PCDHA1: variants seen among roughly 807,000 people sequenced by gnomAD.
The protein encoded by PCDHA1 is protocadherin alpha 1.
Under a neutral mutation model 61.3 loss-of-function variants are expected in PCDHA1, and 42 were observed. The observed-to-expected ratio is 0.69, with a 90% CI of 0.54 to 0.89. PCDHA1 has a LOEUF of 0.89. Among genes scored for constraint, PCDHA1 ranks in the 40% least tolerant of loss-of-function variants. PCDHA1 has a pLI of 0.00. For synonymous variants in PCDHA1, 610 were observed against 553.8 expected, an observed-to-expected ratio of 1.10 and a Z score of -1.43; for missense variants, 1,256 against 1,235.3, an observed-to-expected ratio of 1.02 and a Z score of -0.25.
rs1554119641 is a variant in PCDHA1 at position 140,795,989 on chromosome 5, A to T, written c.2394+7305A>T. The T allele has an allele frequency of 1.9e-6, 3 of 1,614,148 alleles. No homozygotes were observed. In the Admixed American group the frequency reaches 5.0e-5, roughly 27 times the overall value. On this transcript the variant is annotated intron_variant, in intron 1 of 3. Transcript: ENST00000504120. ...TGTAAAATTTCATTAAAACTTGTGG[A>T]CATCAATGATAACACACCAGAAGTC...
chr5:140,823,509 G>A (rs1350643450), intron 1 of PCDHA1: 1 of 1,613,414 alleles, frequency 6.2e-7, no homozygotes, highest in Non-Finnish European at 8.5e-7. Flanking sequence ...CAGTGAGCGA[G>A]CTGGTGCCGA....
At chr5:140,828,653 G>C in intron 1 of PCDHA1, 1 of 1,614,156 alleles carries the variant, frequency 6.2e-7, no homozygotes, top group Non-Finnish European at 8.5e-7. Context: ...AAACAGTGAT[G>C]ACAATAAACA....
chr5:140,836,101 C>G lies in PCDHA1; in HGVS notation c.2394+47417C>G, dbSNP rs1554135618. On this transcript the variant is annotated intron_variant, in intron 1 of 3. Transcript: ENST00000504120. ...CTGCTGGCGCCTCGGGTGGGTGGCA[C>G]TGGTGGCGCAGTGAGAGAGCTTGTG... 8 of 1,613,594 alleles carry G rather than the reference C, an allele frequency of 5.0e-6. No individual in the cohort carries two copies. In the Admixed American group the frequency reaches 1.3e-4, roughly 27 times the overall value.
chr5:140,891,234 G>A (rs1477518444), intron 1 of PCDHA1, among the ~76,000 whole-genome samples: 2 of 151,932 alleles, frequency 1.3e-5, no homozygotes, highest in Non-Finnish European at 2.9e-5. Context: ...ATCCTGTTCT[G>A]GATTCAGTAG....
At chr5:140,895,339 T>C (rs1331642230) in intron 1 of PCDHA1, among the ~76,000 whole-genome samples, 3 of 152,196 alleles carry the variant, frequency 2.0e-5, no homozygotes, top group African/African-American at 4.8e-5. Context: ...ATTGTTTTAC[T>C]ATGCTTTCCA....
chr5:140,954,995 T>C (rs962646761), intron 1 of PCDHA1, among the ~76,000 whole-genome samples: 2 of 152,222 alleles, frequency 1.3e-5, no homozygotes, highest in African/African-American at 2.4e-5. Context: ...TGCATATGGC[T>C]AGCCAATTCT....
intron 1 of PCDHA1, chr5:140,809,766 A>G (rs1484637756): frequency 3.3e-5 from 19 of 581,822 alleles, no homozygotes; most frequent in Non-Finnish European, 5.3e-5. Flanking sequence ...TTTATGCTGC[A>G]TTATTCAATG....
chr5:140,824,052 T>C, intron 1 of PCDHA1: 1 of 1,614,200 alleles, frequency 6.2e-7, no homozygotes, highest in Non-Finnish European at 8.5e-7. Flanking sequence ...GGGTGTGCTC[T>C]GGGGAAGCTC....
In PCDHA1 at chr5:140,870,774, G is replaced by T. The variant is rs782539037; in HGVS notation, c.2394+82090G>T. The T allele has an allele frequency of 2.9e-5, 47 of 1,613,632 alleles. 1 individual carries two copies. The South Asian group carries it at 3.8e-4, about 13-fold the overall frequency. On this transcript the variant is annotated intron_variant, in intron 1 of 3. Coordinates refer to ENST00000504120, the MANE Select transcript of PCDHA1 (RefSeq NM_018900.4). ...CGCTGCAGGTGTTCGTGCTGGACGA[G>T]AACGACAACGCGCCGGCACTGCTGG...
chr5:140,843,470 C>T (rs2150360769), intron 1 of PCDHA1: 2 of 1,596,070 alleles, frequency 1.3e-6, no homozygotes, highest in South Asian at 2.2e-5. Flanking sequence ...CACGCTGCTG[C>T]TGTACACTGC....
chr5:140,930,231 A>G (rs1234850185), intron 1 of PCDHA1: 3 of 152,238 alleles, frequency 2.0e-5, no homozygotes, highest in Non-Finnish European at 4.4e-5. Context: ...TGCACTTACC[A>G]TCCAAAGTCC....
At chr5:140,855,644 T>C (rs1324111294) in intron 1 of PCDHA1, among the ~76,000 whole-genome samples, 7 of 149,848 alleles carry the variant, frequency 4.7e-5, no homozygotes, top group African/African-American at 1.7e-4. Flanking sequence ...TTGATAATCA[T>C]GTGGTTAGGG....
At chr5:140,888,551 T>G (rs2061873493) in intron 1 of PCDHA1, among the ~76,000 whole-genome samples, 1 of 152,240 alleles carries the variant, frequency 6.6e-6, no homozygotes, top group Admixed American at 6.5e-5. Flanking sequence ...TACCAATTTA[T>G]TCCTTTCAAG....
chr5:140,826,174 C>T (rs1554130474), intron 1 of PCDHA1, among the ~76,000 whole-genome samples: 1 of 152,112 alleles, frequency 6.6e-6, no homozygotes, highest in Non-Finnish European at 1.5e-5. Flanking sequence ...TTTTGTCATT[C>T]TATAAATCTA....
intron 1 of PCDHA1, chr5:140,808,467 C>T (rs1764178658): frequency 1.9e-6 from 3 of 1,614,052 alleles, no homozygotes; most frequent in African/African-American, 2.7e-5. Flanking sequence ...GTGGTGACCG[C>T]GCGAGACGGG....
At chr5:140,910,891 C>T (rs1273456408) in intron 1 of PCDHA1, among the ~76,000 whole-genome samples, 1 of 152,176 alleles carries the variant, frequency 6.6e-6, no homozygotes, top group Admixed American at 6.5e-5. Context: ...ATATCCATTC[C>T]TATGCCTGTC....
At position 140,850,723 on chromosome 5, in the gene PCDHA1, G is replaced by T. The variant is rs2150495847; in HGVS notation, c.2394+62039G>T. 3.1e-5 allele frequency: 49 copies of T among 1,597,922 alleles called. 7 individuals carry two copies. The highest frequency in any genetic ancestry group is 4.2e-5 in the Non-Finnish European group (49 of 1,167,668). The stretch of plus-strand genomic sequence containing the variant: ...GGCAAGCCGACGCTGGTGTGTTCTA[G>T]CGCGGTGGGGAGTTGGTCGTACTCG... On this transcript the variant is annotated intron_variant, in intron 1 of 3. Transcript: ENST00000504120.
In PCDHA1 at chr5:140,809,060, G is replaced by A. The variant is rs782422711; in HGVS notation, c.2394+20376G>A. Reference sequence around the variant, plus strand: ...TGGCGCGCGCATCCCGTTCCGCGTGGGGCTGTACACTGGCGAGATCAGCAC... The same window carrying A: ...TGGCGCGCGCATCCCGTTCCGCGTGAGGCTGTACACTGGCGAGATCAGCAC... On this transcript the variant is annotated intron_variant, in intron 1 of 3. Coordinates refer to ENST00000504120, the MANE Select transcript of PCDHA1 (RefSeq NM_018900.4). The A allele has an allele frequency of 2.5e-6, 4 of 1,613,928 alleles. No homozygotes were observed. In the Admixed American group the frequency reaches 5.0e-5, roughly 20 times the overall value.
At chr5:140,856,571 G>T in intron 1 of PCDHA1, 1 of 1,597,838 alleles carries the variant, frequency 6.3e-7, no homozygotes, top group African/African-American at 1.3e-5. Context: ...CAGTCCAAAT[G>T]AGTATTTTGT....
Sources: gnomAD v4.1 joint callset for allele counts (sites outside exome capture counted in the v4.1 genomes callset) on GRCh38, gnomAD v4.1.1 for gene constraint, MANE v1.5 for transcripts, NCBI Gene and HGNC (gene_info 2026-07-23, HGNC 2026-07-21) for gene names.